Variants in MTSS1 observed in about 807,000 individuals in gnomAD.
MTSS1 encodes the protein protein MTSS 1.
In MTSS1, 18 loss-of-function variants were observed where a neutral mutation model predicts 79.0. That is an observed-to-expected ratio of 0.23 (90% CI 0.16 to 0.34). The LOEUF is 0.34. Among genes scored for constraint, MTSS1 ranks in the 10% least tolerant of loss-of-function variants. MTSS1 has a pLI of 1.00. For synonymous variants in MTSS1, 341 were observed against 368.6 expected (o/e 0.93, Z 0.86); for missense variants, 815 against 986.2 (o/e 0.83, Z 2.33).
In MTSS1 at chr8:124,551,549, ACTC is replaced by A. The variant is rs949126135; in HGVS notation, c.*1440_*1442del. ...CTGCAGGGTGTATGAAACCCACCAA[ACTC>A]CTCCTCTGCCTTGAGAGGGTTCGGT... is the stretch of plus-strand genomic sequence containing the variant. On this transcript the variant is annotated 3_prime_UTR_variant, in exon 14 of 14. Coordinates refer to ENST00000518547, the MANE Select transcript of MTSS1 (RefSeq NM_014751.6). The A allele has an allele frequency of 5.9e-5, 9 of 152,474 alleles. No individual in the cohort carries two copies. Among genetic ancestry groups the A allele is most frequent in the African/African-American group, 2.2e-4 (9 of 41,370 alleles). The allele number at this position is 152,474 out of a possible 1,614,324, so 9.4% of individuals were successfully genotyped here. A position where few individuals can be genotyped will look rare whatever the true frequency, so the allele number is the denominator to read the frequency against.
chr8:124,720,015 G>A (rs1832679952), intron 1 of MTSS1, among the ~76,000 whole-genome samples: 1 of 152,196 alleles, frequency 6.6e-6, no homozygotes, highest in East Asian at 1.9e-4. Context: ...TTTTAAGGTA[G>A]GATATAATCA....
intron 3 of MTSS1, among the ~76,000 whole-genome samples, chr8:124,632,336 C>T (rs1271798812): frequency 7.3e-6 from 1 of 136,068 alleles, no homozygotes; most frequent in Non-Finnish European, 1.6e-5. Flanking sequence ...CTTTTATTAA[C>T]ACATACATAG....
intron 3 of MTSS1, among the ~76,000 whole-genome samples, chr8:124,646,665 C>T (rs1486951769): frequency 1.3e-5 from 2 of 152,074 alleles, no homozygotes; most frequent in African/African-American, 4.8e-5. Context: ...GAGTTTTAAA[C>T]CATCCACAGA....
intron 3 of MTSS1, among the ~76,000 whole-genome samples, chr8:124,630,731 G>C (rs1815765502): frequency 6.6e-6 from 1 of 152,180 alleles, no homozygotes; most frequent in African/African-American, 2.4e-5. Flanking sequence ...CTACTTACAA[G>C]GTGGTTTTAA....
intron 3 of MTSS1, among the ~76,000 whole-genome samples, chr8:124,661,366 C>A (rs993074047): frequency 1.3e-5 from 2 of 151,352 alleles, no homozygotes; most frequent in Non-Finnish European, 2.9e-5. Flanking sequence ...ACTAACAATT[C>A]ATGCCTGCAC....
At chr8:124,622,326 A>G (rs1283058223) in intron 3 of MTSS1, among the ~76,000 whole-genome samples, 1 of 151,872 alleles carries the variant, frequency 6.6e-6, no homozygotes. Context: ...GGGGAGGTGA[A>G]GGAGGAAACG....
Position 124,650,539 on chromosome 8 carries a change from G to A in MTSS1, c.208+48987C>T, listed in dbSNP as rs561906555. Among the ~76,000 whole-genome samples the A allele has an allele frequency of 1.1e-3, 164 of 152,202 alleles. 1 individual carries two copies. Among genetic ancestry groups the A allele is most frequent in the Non-Finnish European group, 2.0e-3 (137 of 67,988 alleles). On this transcript the variant is annotated intron_variant, in intron 3 of 13. Coordinates refer to ENST00000518547, the MANE Select transcript of MTSS1 (RefSeq NM_014751.6). ...GCCGCGTTTCCTCGCCCTTCTCTCC[G>A]ATCCTTCCATTTTTACCCCATCTCC...
intron 3 of MTSS1, among the ~76,000 whole-genome samples, chr8:124,628,283 T>C (rs893204561): frequency 2.0e-5 from 3 of 151,660 alleles, no homozygotes; most frequent in Admixed American, 1.3e-4. Flanking sequence ...AGGCTGCGAG[T>C]CTGAGCTCCA....
intron 10 of MTSS1, among the ~76,000 whole-genome samples, chr8:124,561,920 G>A (rs897519840): frequency 2.6e-5 from 3 of 115,640 alleles, no homozygotes; most frequent in African/African-American, 8.4e-5. Flanking sequence ...GGCAGACAGA[G>A]GCCACAGTCC....
At chr8:124,644,179 AG>A (rs941065873) in intron 3 of MTSS1, among the ~76,000 whole-genome samples, 1 of 152,206 alleles carries the variant, frequency 6.6e-6, no homozygotes, top group African/African-American at 2.4e-5. Flanking sequence ...TTGTGCCAAA[AG>A]AAAAAAAAGA....
chr8:124,564,210 T>C (rs1244758234), intron 9 of MTSS1, among the ~76,000 whole-genome samples: 3 of 149,846 alleles, frequency 2.0e-5, no homozygotes, highest in African/African-American at 7.4e-5. Flanking sequence ...ACTCCCATGG[T>C]CCAAACAAAC....
chr8:124,619,416 C>T (rs1813020655), intron 3 of MTSS1: 1 of 152,444 alleles, frequency 6.6e-6, no homozygotes, highest in South Asian at 2.1e-4. Flanking sequence ...TAAACCAGAC[C>T]CCTGTGCCCC....
chr8:124,659,372 T>C (rs1821579800), intron 3 of MTSS1, among the ~76,000 whole-genome samples: 1 of 152,238 alleles, frequency 6.6e-6, no homozygotes, highest in Non-Finnish European at 1.5e-5. Flanking sequence ...TCTATTTCTG[T>C]GACTTGCATC....
At chr8:124,669,031 T>G (rs1823636821) in intron 3 of MTSS1, among the ~76,000 whole-genome samples, 1 of 152,218 alleles carries the variant, frequency 6.6e-6, no homozygotes, top group African/African-American at 2.4e-5. Context: ...CAAAGCAGGT[T>G]GATTGCCACT....
At chr8:124,628,304 C>A (rs191324336) in intron 3 of MTSS1, among the ~76,000 whole-genome samples, 4 of 152,256 alleles carry the variant, frequency 2.6e-5, no homozygotes, top group Admixed American at 2.6e-4. Context: ...AGACATCAGC[C>A]GCGTCAGTCT....
chr8:124,695,950 C>T (rs1175184052), intron 3 of MTSS1, among the ~76,000 whole-genome samples: 1 of 150,202 alleles, frequency 6.7e-6, no homozygotes, highest in East Asian at 1.9e-4. Context: ...CCGGGAGGGG[C>T]GGGGAAGTGG....
chr8:124,599,501 AAG>A lies in MTSS1; in HGVS notation c.209-8268_209-8267del, dbSNP rs1366593885. Among the ~76,000 whole-genome samples the A allele has an allele frequency of 1.3e-4, 19 of 145,108 alleles. No homozygotes were observed. The East Asian group carries it at 3.8e-3, about 29-fold the overall frequency. On this transcript the variant is annotated intron_variant, in intron 3 of 13. Coordinates refer to ENST00000518547, the MANE Select transcript of MTSS1 (RefSeq NM_014751.6). Reference sequence around the variant, plus strand: ...CCGTCTCAAAAAAAAAAAAAAAAAAAAGAGAGAGAGAAAGAAAAAGAAAAAAG... The same window carrying A: ...CCGTCTCAAAAAAAAAAAAAAAAAAAAGAGAGAGAAAGAAAAAGAAAAAAG...
At chr8:124,623,027 C>T (rs1813915135) in intron 3 of MTSS1, among the ~76,000 whole-genome samples, 1 of 152,218 alleles carries the variant, frequency 6.6e-6, no homozygotes, top group South Asian at 2.1e-4. Context: ...AGCCTGCTTG[C>T]CTTTCTCACA....
chr8:124,675,037 C>T (rs1486267713), intron 3 of MTSS1, among the ~76,000 whole-genome samples: 2 of 152,182 alleles, frequency 1.3e-5, no homozygotes, highest in Non-Finnish European at 2.9e-5. Context: ...AACATTCTTG[C>T]TCTTTCTGTT....
Sources: gnomAD v4.1 joint callset for allele counts (sites outside exome capture counted in the v4.1 genomes callset) on GRCh38, gnomAD v4.1.1 for gene constraint, MANE v1.5 for transcripts, NCBI Gene and HGNC (gene_info 2026-07-23, HGNC 2026-07-21) for gene names.